The following GTF2H1 variants were observed in gnomAD, a reference collection of about 807,000 sequenced individuals.
The protein encoded by GTF2H1 is BTF2 p62.
A neutral mutation model predicts 71.2 loss-of-function variants in GTF2H1; 16 were observed. The observed-to-expected ratio is 0.22, with a 90% CI of 0.15 to 0.34. The LOEUF is 0.34. GTF2H1 is among the 10% of genes least tolerant of loss of function. The pLI, the probability that GTF2H1 is intolerant of heterozygous loss-of-function variation, is 1.00. For synonymous variants in GTF2H1, 215 were observed against 219.0 expected, an observed-to-expected ratio of 0.98 and a Z score of 0.16; for missense variants, 498 against 648.2, an observed-to-expected ratio of 0.77 and a Z score of 2.52.
At chr11:18,360,447 T>C (rs961857182) in intron 13 of GTF2H1, among the ~76,000 whole-genome samples, 168 bp from the exon 14 acceptor site, 7 of 152,298 alleles carry the variant, frequency 4.6e-5, no homozygotes, top group East Asian at 1.9e-4. Flanking sequence ...CTGAAAGATA[T>C]TCACATTGAA....
At chr11:18,344,390 G>T (rs896075911) in intron 7 of GTF2H1, among the ~76,000 whole-genome samples, 3 of 152,034 alleles carry the variant, frequency 2.0e-5, no homozygotes, top group African/African-American at 7.2e-5. Flanking sequence ...ACGCCAAGGT[G>T]GGTGGATCAC....
chr11:18,336,053 G>T, intron 3 of GTF2H1, 107 bp downstream of exon 3: 11 of 739,218 alleles, frequency 1.5e-5, no homozygotes, highest in South Asian at 1.0e-4. Context: ...TTTTGGTTTT[G>T]GTTTTTTGTT....
At chr11:18,353,422 C>T (rs971510170) in intron 11 of GTF2H1, among the ~76,000 whole-genome samples, 2 of 152,202 alleles carry the variant, frequency 1.3e-5, no homozygotes, top group Non-Finnish European at 2.9e-5. Context: ...CCCTTCCACA[C>T]ATGGCCAAGG....
intron 14 of GTF2H1, among the ~76,000 whole-genome samples, chr11:18,365,510 A>C (rs1865801726): frequency 6.6e-6 from 1 of 152,232 alleles, no homozygotes; most frequent in Non-Finnish European, 1.5e-5. Context: ...GGCCTGGAGC[A>C]CAATTGTGAC....
chr11:18,345,936 G>A (rs1204697093), intron 7 of GTF2H1, among the ~76,000 whole-genome samples: 2 of 151,850 alleles, frequency 1.3e-5, no homozygotes, highest in East Asian at 1.9e-4. Context: ...GACTACAGGC[G>A]TCCGCCACCT....
At chr11:18,341,460 G>A (rs1174081821) in intron 6 of GTF2H1, 50 bp downstream of exon 6, 1 of 1,606,060 alleles carries the variant, frequency 6.2e-7, no homozygotes, top group Admixed American at 1.7e-5. Context: ...CCACCCTCTA[G>A]ACATTATAAG....
chr11:18,333,454 C>G (rs1412127181), intron 2 of GTF2H1: 3 of 336,524 alleles, frequency 8.9e-6, no homozygotes, highest in Non-Finnish European at 1.1e-5. Context: ...ACATATAGAT[C>G]TCCACACACT....
At chr11:18,356,510 C>A (rs1045188348) in intron 11 of GTF2H1, among the ~76,000 whole-genome samples, 1 of 152,014 alleles carries the variant, frequency 6.6e-6, no homozygotes. Context: ...TTGACCAATT[C>A]TTTCAATGTA....
chr11:18,346,966 C>T (rs190929883), intron 7 of GTF2H1: 66 of 151,374 alleles, frequency 4.4e-4, no homozygotes, highest in African/African-American at 1.5e-3. Context: ...TTTTGAACTC[C>T]TGACCTCAGG....
At chr11:18,352,283 A>G (rs1267609262) in intron 10 of GTF2H1, 46 bp from the exon 11 acceptor site, 1 of 848,038 alleles carries the variant, frequency 1.2e-6, no homozygotes, top group Non-Finnish European at 2.0e-6. Flanking sequence ...AATGTTGAGC[A>G]TCTTTACTGT....
chr11:18,364,150 A>T (rs539954496), intron 14 of GTF2H1, among the ~76,000 whole-genome samples: 18 of 152,326 alleles, frequency 1.2e-4, no homozygotes, highest in African/African-American at 3.8e-4. Context: ...CCAATTGATA[A>T]TATAGATACT....
rs1865012962 is a variant in GTF2H1 at position 18,335,815 on chromosome 11, G to A, written c.216G>A (p.Gly72=). The A allele has an allele frequency of 6.2e-7, 1 of 1,613,994 alleles. No individual in the cohort carries two copies. Among genetic ancestry groups the A allele is most frequent in the Non-Finnish European group, 8.5e-7 (1 of 1,179,882 alleles). ...AGCTTCAGCTGGTCCTACATGCAGG[G>A]GACACAACTAACTTCCATTTTTCCA... The part of the protein sequence containing the change: ...KIQLQLVLHA[G]DTTNFHFSNE... Residue 72 remains glycine (G), a synonymous_variant, in exon 3 of 15, where the codon GGG becomes GGA. Coordinates refer to ENST00000265963, the MANE Select transcript of GTF2H1 (RefSeq NM_005316.4).
At chr11:18,342,828 A>G (rs1208497203) in intron 7 of GTF2H1, among the ~76,000 whole-genome samples, 3 of 152,162 alleles carry the variant, frequency 2.0e-5, no homozygotes, top group African/African-American at 7.2e-5. Context: ...AAACCATCCC[A>G]TAGTTTAAAA....
chr11:18,352,073 G>A (rs1865441722), intron 10 of GTF2H1, 104 bp downstream of exon 10: 1 of 694,010 alleles, frequency 1.4e-6, no homozygotes, highest in African/African-American at 1.8e-5. Context: ...CACCATCAAA[G>A]TACAATATCC....
At chr11:18,329,697 A>G (rs944908480) in intron 1 of GTF2H1, among the ~76,000 whole-genome samples, 2 of 152,190 alleles carry the variant, frequency 1.3e-5, no homozygotes, top group African/African-American at 2.4e-5. Context: ...ACTCATTCCT[A>G]GAGAGTTTCA....
rs529634672 is a variant in GTF2H1 at position 18,344,726 on chromosome 11, A to G, written c.838-2862A>G. ...AGCTTAGAATAAAATCAAAACTCCTACAAGACTGCTAGATTTGGCTCCTGC... is the reference window on the plus strand; with the variant it reads ...AGCTTAGAATAAAATCAAAACTCCTGCAAGACTGCTAGATTTGGCTCCTGC... On this transcript the variant is annotated intron_variant, in intron 7 of 14. Coordinates refer to ENST00000265963, the MANE Select transcript of GTF2H1 (RefSeq NM_005316.4). Among the ~76,000 whole-genome samples, 6 of 152,156 alleles carry G rather than the reference A, an allele frequency of 3.9e-5. No homozygotes were observed. The East Asian group carries it at 7.7e-4, about 20-fold the overall frequency.
intron 1 of GTF2H1, among the ~76,000 whole-genome samples, chr11:18,326,873 T>C (rs527907189): frequency 1.3e-5 from 2 of 152,338 alleles, no homozygotes; most frequent in South Asian, 2.1e-4. Context: ...TCTTAAAACA[T>C]ATGTTTCCTA....
rs181772590 is a variant in GTF2H1 at position 18,329,237 on chromosome 11, C to T, written c.-15-3823C>T. On this transcript the variant is annotated intron_variant, in intron 1 of 14. Transcript: ENST00000265963. ...GTCATCTAATCGGGCTTTATTCCAG[C>T]GTTTGCAAATGCCTACATAATGCAG... Among the ~76,000 whole-genome samples the T allele has an allele frequency of 3.7e-3, 564 of 152,290 alleles. 1 individual carries two copies. Among genetic ancestry groups the T allele is most frequent in the Middle Eastern group, 6.8e-3 (2 of 294 alleles).
intron 4 of GTF2H1, among the ~76,000 whole-genome samples, chr11:18,338,495 G>A (rs1460470184): frequency 6.6e-6 from 1 of 152,172 alleles, no homozygotes; most frequent in Non-Finnish European, 1.5e-5. Context: ...CCAGACTGGA[G>A]TGCAGTGGCA....
Sources: gnomAD v4.1 joint callset for allele counts (sites outside exome capture counted in the v4.1 genomes callset) on GRCh38, gnomAD v4.1.1 for gene constraint, MANE v1.5 for transcripts, NCBI Gene and HGNC (gene_info 2026-07-23, HGNC 2026-07-21) for gene names.